PZP: variants seen among roughly 807,000 people sequenced by gnomAD.
The protein encoded by PZP is pregnancy zone protein.
In PZP, 150 loss-of-function variants were observed where a neutral mutation model predicts 179.8. That is an observed-to-expected ratio of 0.83 (90% confidence interval 0.73 to 0.96). The LOEUF (loss-of-function observed/expected upper bound fraction) is 0.96. Ranked by LOEUF, PZP falls within the 40% of genes least tolerant of loss-of-function variation. PZP has a pLI of 0.00. For missense variants in PZP, 1,689 were observed against 1,764.0 expected (o/e 0.96, Z 0.76); for synonymous variants, 624 against 652.3 (o/e 0.96, Z 0.66).
At chr12:9,160,997 T>C (rs1482791464) in intron 23 of PZP, 36 bp downstream of exon 23, 1 of 1,490,966 alleles carries the variant, frequency 6.7e-7, no homozygotes, top group Admixed American at 1.7e-5. Context: ...GTGGCAACTC[T>C]TTTGGCCCAG....
the PZP span, among the ~76,000 whole-genome samples, chr12:9,137,869 A>G: frequency 6.6e-6 from 1 of 152,060 alleles, no homozygotes; most frequent in Non-Finnish European, 1.5e-5. Flanking sequence ...TTGATTTTGT[A>G]GCTTGCAATC....
intron 9 of PZP, 65 bp downstream of exon 9, chr12:9,196,506 G>C: frequency 6.4e-7 from 1 of 1,569,688 alleles, no homozygotes; most frequent in Non-Finnish European, 8.8e-7. Context: ...TCTTACAAAT[G>C]ACCTTTATTT....
chr12:9,183,758 ACT>A (rs1942926496), intron 13 of PZP, among the ~76,000 whole-genome samples: 1 of 152,070 alleles, frequency 6.6e-6, no homozygotes, highest in Admixed American at 6.5e-5. Context: ...AATTGTTATA[ACT>A]CTACGTAGAA....
chr12:9,183,641 A>G (rs1225015740), intron 13 of PZP, among the ~76,000 whole-genome samples: 1 of 152,188 alleles, frequency 6.6e-6, no homozygotes, highest in Non-Finnish European at 1.5e-5. Context: ...GGTTCAAGCA[A>G]TCCTCCCAAA....
rs1420258904 is a variant in PZP, at chr12:9,152,951, T to A, written c.3994A>T (p.Thr1332Ser). Residue 1332 changes from threonine (T) to serine (S), a missense_variant and splice_region_variant, in exon 31 of 36, where the codon ACA becomes TCA. Coordinates refer to ENST00000261336, the MANE Select transcript of PZP (RefSeq NM_002864.3). Reference sequence around the variant, plus strand: ...GGAAGAATATTGTATTTCATGGATGTCTGTGAAACAGCAAAGACACTATCA... The same window carrying A: ...GGAAGAATATTGTATTTCATGGATGACTGTGAAACAGCAAAGACACTATCA... ...VTGERCVYLQTSMKYNILPEK... is the reference protein window; with the variant it reads ...VTGERCVYLQSSMKYNILPEK... 6.2e-7 allele frequency: 1 copy of A among 1,614,040 alleles called. No individual in the cohort carries two copies. Among genetic ancestry groups the A allele is most frequent in the African/African-American group, 1.3e-5 (1 of 74,924 alleles).
At chr12:9,193,084 TAATTAA>T (rs1943550238) in intron 11 of PZP, among the ~76,000 whole-genome samples, 1 of 152,246 alleles carries the variant, frequency 6.6e-6, no homozygotes, top group Non-Finnish European at 1.5e-5. Context: ...TGAATTGGCT[TAATTAA>T]AATTAGGGTT....
intron 25 of PZP, 83 bp from the exon 26 acceptor site, chr12:9,158,659 C>T (rs1375866970): frequency 2.9e-5 from 39 of 1,362,896 alleles, no homozygotes; most frequent in Non-Finnish European, 3.7e-5. Flanking sequence ...GCTCCCCCAT[C>T]ACAGTGTGCA....
chr12:9,183,168 A>T (rs778883408), intron 13 of PZP, among the ~76,000 whole-genome samples: 1 of 152,362 alleles, frequency 6.6e-6, no homozygotes, highest in African/African-American at 2.4e-5. Flanking sequence ...TATTTTACAA[A>T]GTATAATATC....
intron 25 of PZP, among the ~76,000 whole-genome samples, chr12:9,158,781 A>T (rs1592454356): frequency 9.0e-6 from 1 of 111,646 alleles, no homozygotes; most frequent in African/African-American, 3.2e-5. Flanking sequence ...TTTTGCTGCC[A>T]CATGTTGTTC....
Position 9,153,194 on chromosome 12 carries a change from CT to C in PZP, c.3923del (p.Gln1308ArgfsTer13). 6.2e-7 allele frequency: 1 copy of C among 1,614,216 alleles called. No individual in the cohort carries two copies. Among genetic ancestry groups the C allele is most frequent in the Non-Finnish European group, 8.5e-7 (1 of 1,180,030 alleles). On this transcript the variant is annotated frameshift_variant, in exon 30 of 36. Transcript: ENST00000261336. LOFTEE classifies it high-confidence loss of function. ...CTCCAGGGAGCTCTGGCAATGAGATCTGCTGCAGTAATAGGAGGTTGTTGTT... is the reference window on the plus strand; with the variant it reads ...CTCCAGGGAGCTCTGGCAATGAGATCGCTGCAGTAATAGGAGGTTGTTGTT... ...VDNNNLLLLQ[Q>X]ISLPELPGEY...
chr12:9,149,624 A>G (rs1432220079), intron 34 of PZP, 22 bp from the exon 35 acceptor site: 8 of 1,611,228 alleles, frequency 5.0e-6, no homozygotes, highest in Non-Finnish European at 6.8e-6. Context: ...CGTTGGGTGA[A>G]GGAAGAAACG....
the PZP span, among the ~76,000 whole-genome samples, chr12:9,139,684 C>T: frequency 6.6e-6 from 1 of 151,920 alleles, no homozygotes; most frequent in African/African-American, 2.4e-5. Context: ...ATAAAATTTC[C>T]CTTTTGGTCT....
intron 21 of PZP, among the ~76,000 whole-genome samples, chr12:9,163,346 G>A (rs767566899): frequency 4.0e-5 from 6 of 151,538 alleles, no homozygotes; most frequent in Admixed American, 1.3e-4. Context: ...CCAGCTACTC[G>A]GGAGGCTGAG....
chr12:9,156,665 T>C (rs1464873409), intron 28 of PZP, among the ~76,000 whole-genome samples: 1 of 152,232 alleles, frequency 6.6e-6, no homozygotes, highest in East Asian at 1.9e-4. Context: ...ATCTGCAGCA[T>C]TATGTCTATT....
Position 9,151,678 on chromosome 12 carries a change from G to A in PZP, c.4213-6C>T. 3.1e-6 allele frequency: 5 copies of A among 1,612,562 alleles called. No individual in the cohort carries two copies. Among genetic ancestry groups the A allele is most frequent in the Non-Finnish European group, 4.2e-6 (5 of 1,178,866 alleles). On this transcript the variant is annotated splice_region_variant and splice_polypyrimidine_tract_variant and intron_variant, in intron 32 of 35. Transcript: ENST00000261336. Reference sequence around the variant, plus strand: ...ACAGAGCTAGATCTTTCAAGCTGGAGAGAATTAGAAAACTTCAGTTAAAGT... The same window carrying A: ...ACAGAGCTAGATCTTTCAAGCTGGAAAGAATTAGAAAACTTCAGTTAAAGT...
chr12:9,207,632 C>A lies in PZP; in HGVS notation c.83+627G>T, dbSNP rs779956873. The stretch of plus-strand genomic sequence containing the variant: ...TGCCAGCAAGTAAGGAGAAGTCAGA[C>A]TGACAGTAGCCAAGAAGGACGGAGA... On this transcript the variant is annotated intron_variant, in intron 1 of 35. Coordinates refer to ENST00000261336, the MANE Select transcript of PZP (RefSeq NM_002864.3). 4.6e-5 allele frequency among the ~76,000 whole-genome samples: 7 copies of A among 152,284 alleles called. No homozygotes were observed. In the South Asian group the frequency reaches 1.5e-3, roughly 32 times the overall value.
chr12:9,195,611 ATTT>A (rs11398106), intron 10 of PZP, among the ~76,000 whole-genome samples: 2 of 104,246 alleles, frequency 1.9e-5, no homozygotes, highest in Non-Finnish European at 3.8e-5. Context: ...CCCACTGCTA[ATTT>A]TTTTTTTTTT....
rs1943814642 is a variant in PZP, at chr12:9,197,006, A to G, written c.867+6T>C. 16 of 1,582,100 alleles carry G rather than the reference A, an allele frequency of 1.0e-5. No homozygotes were observed. The East Asian group carries it at 1.1e-4, about 11-fold the overall frequency. The stretch of plus-strand genomic sequence containing the variant: ...ATAGCACTGAGGGAGAATACCGCCT[A>G]CTAACCTGTTGACTGAATTCCTCAC... On this transcript the variant is annotated splice_donor_region_variant and intron_variant, in intron 8 of 35. Coordinates refer to ENST00000261336, the MANE Select transcript of PZP (RefSeq NM_002864.3).
At chr12:9,203,713 A>C in intron 2 of PZP, 55 bp downstream of exon 2, 62 of 1,525,358 alleles carry the variant, frequency 4.1e-5, no homozygotes, top group Non-Finnish European at 5.3e-5. Context: ...CATGACCTAT[A>C]GAGCTCAATA....
Sources: allele counts gnomAD v4.1 joint callset (sites outside exome capture counted in the v4.1 genomes callset), GRCh38; gene constraint gnomAD v4.1.1; transcripts MANE v1.5; gene names NCBI Gene and HGNC (gene_info 2026-07-23, HGNC 2026-07-21).